CFAP47: variants seen among roughly 807,000 people sequenced by gnomAD.
CFAP47 encodes the protein cilia and flagella associated protein 47, also known as cilia- and flagella-associated protein 47.
A neutral mutation model predicts 148.1 loss-of-function variants in CFAP47; 29 were observed. The ratio of observed to expected loss-of-function variants is 0.20; its 90% CI spans 0.15 to 0.27. The LOEUF (loss-of-function observed/expected upper bound fraction) is 0.27, where lower values mean the gene tolerates loss of function less well. CFAP47 is among the 10% of genes least tolerant of loss of function. CFAP47 has a pLI of 1.00. For synonymous variants in CFAP47, 664 were observed against 577.3 expected (o/e 1.15, Z -2.15); for missense variants, 1,872 against 1,697.5 (o/e 1.10, Z -1.81).
intron 30 of CFAP47, among the ~76,000 whole-genome samples, chrX:36,087,935 G>A (rs1346870568): frequency 9.0e-6 from 1 of 111,428 alleles, no homozygotes; most frequent in Non-Finnish European, 1.9e-5. Flanking sequence ...GTATTGTCAA[G>A]GTTGGTTTCT....
At chrX:36,295,542 G>A (rs1031238062) in intron 51 of CFAP47, among the ~76,000 whole-genome samples, 4 of 111,580 alleles carry the variant, frequency 3.6e-5, no homozygotes, top group Non-Finnish European at 7.5e-5. Context: ...TAATCATATA[G>A]CTAACCTAAG....
At chrX:35,976,187 G>A (rs1936568473) in intron 15 of CFAP47, among the ~76,000 whole-genome samples, 1 of 110,712 alleles carries the variant, frequency 9.0e-6, no homozygotes, top group African/African-American at 3.3e-5. Flanking sequence ...AACTGGTTCT[G>A]GCTCACAGGT....
At chrX:36,122,316 TC>T (rs1356006938) in intron 33 of CFAP47, among the ~76,000 whole-genome samples, 1 of 111,429 alleles carries the variant, frequency 9.0e-6, no homozygotes, top group Non-Finnish European at 1.9e-5. Flanking sequence ...TCTATAGCCT[TC>T]TTGTACTTGG....
intron 22 of CFAP47, among the ~76,000 whole-genome samples, chrX:36,027,601 T>C (rs1937234596): frequency 9.0e-6 from 1 of 111,174 alleles, no homozygotes; most frequent in African/African-American, 3.3e-5. Flanking sequence ...TATGTGTGTA[T>C]CACATTTTCT....
At chrX:36,336,214 GTCTC>G (rs1157557147) in intron 57 of CFAP47, among the ~76,000 whole-genome samples, 1 of 73,235 alleles carries the variant, frequency 1.4e-5, no homozygotes, top group Non-Finnish European at 2.7e-5. Context: ...CTGTCTCTCT[GTCTC>G]TCTCTCTCTC....
intron 49 of CFAP47, among the ~76,000 whole-genome samples, chrX:36,272,339 GCATTTAGC>G (rs199630557): frequency 0.057 from 6,338 of 111,502 alleles, 159 homozygotes; most frequent in Middle Eastern, 0.12. Flanking sequence ...GATGCTCAGG[GCATTTAGC>G]TTGTTGATTT....
At chrX:36,028,310 A>G (rs1207079010) in intron 22 of CFAP47, among the ~76,000 whole-genome samples, 1 of 111,197 alleles carries the variant, frequency 9.0e-6, no homozygotes, top group Non-Finnish European at 1.9e-5. Context: ...TCTTTAATCC[A>G]TTTTTAATTA....
In CFAP47 at chrX:35,975,322, T is replaced by G; in HGVS notation, c.2430T>G (p.Ile810Met). ...TTCTACCTACATCCAGTACTTATAT[T>G]TCAATGGTATTTGACTCTCCCACCA... ...YVILPTSSTY[I>M]SMVFDSPTIG... The change falls in exon 14 of 64, where the codon ATT (isoleucine) becomes ATG (methionine). Residue 810 changes from isoleucine to methionine, a missense_variant. Transcript: ENST00000378653. 2 of 1,204,190 alleles carry G rather than the reference T, an allele frequency of 1.7e-6. No individual in the cohort carries two copies. The highest frequency in any genetic ancestry group is 2.2e-6 in the Non-Finnish European group (2 of 890,943).
intron 39 of CFAP47, among the ~76,000 whole-genome samples, chrX:36,177,846 T>A (rs1401721064): frequency 1.8e-5 from 2 of 111,725 alleles, no homozygotes; most frequent in African/African-American, 6.5e-5. Context: ...TACCCAAAGA[T>A]AAGCAAATCA....
intron 40 of CFAP47, among the ~76,000 whole-genome samples, chrX:36,180,355 A>C (rs1247780177): frequency 1.8e-5 from 2 of 112,342 alleles, no homozygotes; most frequent in Non-Finnish European, 3.8e-5. Context: ...AAGAAAGTTA[A>C]GTAGAGAGAA....
chrX:36,088,936 A>T (rs923194940), intron 30 of CFAP47, among the ~76,000 whole-genome samples: 1 of 112,146 alleles, frequency 8.9e-6, no homozygotes, highest in African/African-American at 3.2e-5. Flanking sequence ...AAGCTATTGT[A>T]ACTCTTATTT....
At chrX:36,016,089 T>C (rs753747551) in intron 22 of CFAP47, among the ~76,000 whole-genome samples, 4 of 110,617 alleles carry the variant, frequency 3.6e-5, no homozygotes, top group African/African-American at 6.6e-5. Flanking sequence ...TGGGTAATAA[T>C]CACATCATGG....
chrX:36,022,476 G>T (rs888387608), intron 22 of CFAP47, among the ~76,000 whole-genome samples: 5 of 110,234 alleles, frequency 4.5e-5, no homozygotes, highest in Non-Finnish European at 7.6e-5. Context: ...GCTTAAATCT[G>T]CTTGGTGTTC....
At chrX:35,973,736 G>A (rs764794990) in intron 13 of CFAP47, among the ~76,000 whole-genome samples, 7 of 111,292 alleles carry the variant, frequency 6.3e-5, no homozygotes, top group African/African-American at 2.0e-4. Context: ...TACCTCTATG[G>A]GTCTCAGTTT....
At chrX:36,240,729 A>G (rs1602064406) in intron 48 of CFAP47, among the ~76,000 whole-genome samples, 2 of 111,714 alleles carry the variant, frequency 1.8e-5, no homozygotes, top group South Asian at 3.7e-4. Flanking sequence ...AAGGCCAAAA[A>G]AGCCCCAGAT....
intron 62 of CFAP47, among the ~76,000 whole-genome samples, chrX:36,373,026 C>T (rs1556022215): frequency 1.8e-5 from 2 of 111,205 alleles, no homozygotes; most frequent in South Asian, 3.7e-4. Context: ...TCTTTTTGCT[C>T]AGAATTGCTC....
At chrX:35,947,266 G>A (rs1936097149) in intron 3 of CFAP47, among the ~76,000 whole-genome samples, 2 of 109,872 alleles carry the variant, frequency 1.8e-5, no homozygotes, top group South Asian at 7.9e-4. Flanking sequence ...GCTGGAACTT[G>A]ACTGATCTAG....
chrX:36,297,744 A>T (rs1033998030), intron 51 of CFAP47, among the ~76,000 whole-genome samples: 1 of 112,113 alleles, frequency 8.9e-6, no homozygotes, highest in Non-Finnish European at 1.9e-5. Flanking sequence ...TATCATCAAC[A>T]TAATTTGACT....
chrX:36,293,570 A>G (rs1023455990), intron 51 of CFAP47, among the ~76,000 whole-genome samples: 1 of 111,993 alleles, frequency 8.9e-6, no homozygotes, highest in Non-Finnish European at 1.9e-5. Context: ...AATGGCCTTG[A>G]CACACAGGTG....
Sources: allele counts gnomAD v4.1 joint callset (sites outside exome capture counted in the v4.1 genomes callset), GRCh38; gene constraint gnomAD v4.1.1; transcripts MANE v1.5; gene names NCBI Gene and HGNC (gene_info 2026-07-23, HGNC 2026-07-21).